The following SAMTOR variants were observed in gnomAD, a reference collection of about 807,000 sequenced individuals.
SAMTOR encodes S-adenosylmethionine sensor upstream of mTORC1.
chr7:112,885,297 C>T, the SAMTOR span, among the ~76,000 whole-genome samples: 1 of 152,224 alleles, frequency 6.6e-6, no homozygotes, highest in Non-Finnish European at 1.5e-5. Flanking sequence ...TGGTGATTCA[C>T]ATTTGGCTCC....
chr7:112,865,579 C>CG, the SAMTOR span, among the ~76,000 whole-genome samples: 2 of 147,796 alleles, frequency 1.4e-5, no homozygotes, highest in Non-Finnish European at 3.0e-5. Context: ...CCTGGTGTCC[C>CG]GTCTCATTCA....
chr7:112,925,034 TAC>T, the SAMTOR span, among the ~76,000 whole-genome samples: 6 of 152,320 alleles, frequency 3.9e-5, no homozygotes, highest in South Asian at 1.2e-3. Context: ...ATTTAAGACA[TAC>T]AGTTTGAGGG....
At chr7:112,900,506 T>C in the SAMTOR span, among the ~76,000 whole-genome samples, 3 of 152,190 alleles carry the variant, frequency 2.0e-5, no homozygotes, top group African/African-American at 4.8e-5. Flanking sequence ...AGAAATAATG[T>C]TCGGCCAAAT....
chr7:112,890,324 C>A, the SAMTOR span, among the ~76,000 whole-genome samples: 2 of 152,046 alleles, frequency 1.3e-5, no homozygotes, highest in Non-Finnish European at 2.9e-5. Flanking sequence ...TATGCAGATA[C>A]TGGTGCAACC....
chr7:112,926,378 C>G, the SAMTOR span, among the ~76,000 whole-genome samples: 1 of 152,136 alleles, frequency 6.6e-6, no homozygotes, highest in Non-Finnish European at 1.5e-5. Context: ...AAACCTACTA[C>G]CCTACAACTT....
chr7:112,870,903 C>T, the SAMTOR span, among the ~76,000 whole-genome samples: 7,868 of 151,786 alleles, frequency 0.052, 513 homozygotes, highest in African/African-American at 0.16. Flanking sequence ...AGATAAAACA[C>T]AATTTAAACC....
chr7:112,863,848 T>C, the SAMTOR span, among the ~76,000 whole-genome samples: 1 of 152,232 alleles, frequency 6.6e-6, no homozygotes, highest in Non-Finnish European at 1.5e-5. Context: ...TGGAAGACAG[T>C]GTGGTGATTC....
the SAMTOR span, among the ~76,000 whole-genome samples, chr7:112,924,590 A>G: frequency 3.3e-5 from 5 of 152,142 alleles, no homozygotes; most frequent in Admixed American, 1.3e-4. Context: ...TGAGGGGGCT[A>G]TGTACTCATA....
the SAMTOR span, among the ~76,000 whole-genome samples, chr7:112,834,790 C>T: frequency 3.3e-5 from 5 of 152,048 alleles, no homozygotes; most frequent in African/African-American, 4.8e-5. Context: ...AGTAGCCTAA[C>T]GCTAAGTCAC....
chr7:112,939,862 G>C, the SAMTOR span: 1 of 815,534 alleles, frequency 1.2e-6, no homozygotes, highest in East Asian at 2.7e-5. Flanking sequence ...AGGAGGCAGA[G>C]GAACCGGAGC....
the SAMTOR span, among the ~76,000 whole-genome samples, chr7:112,881,682 C>G: frequency 6.6e-6 from 1 of 152,214 alleles, no homozygotes; most frequent in East Asian, 1.9e-4. Flanking sequence ...TCTGGGTCTC[C>G]TCTCCGCTGA....
chr7:112,824,061 C>A, the SAMTOR span, among the ~76,000 whole-genome samples: 1 of 151,522 alleles, frequency 6.6e-6, no homozygotes, highest in African/African-American at 2.4e-5. Flanking sequence ...TTTGAGAGTT[C>A]TTTATTCTTG....
At chr7:112,923,168 A>G in the SAMTOR span, among the ~76,000 whole-genome samples, 4 of 152,206 alleles carry the variant, frequency 2.6e-5, no homozygotes, top group Non-Finnish European at 4.4e-5. Flanking sequence ...CTGTTGATCT[A>G]TGACCTTACC....
the SAMTOR span, among the ~76,000 whole-genome samples, chr7:112,924,045 G>C: frequency 6.6e-6 from 1 of 150,690 alleles, no homozygotes; most frequent in African/African-American, 2.5e-5. Flanking sequence ...GTCTGTTGTG[G>C]GGTGGCGGGA....
the SAMTOR span, among the ~76,000 whole-genome samples, chr7:112,828,017 G>A: frequency 0.035 from 5,271 of 152,130 alleles, 134 homozygotes; most frequent in Middle Eastern, 0.075. Flanking sequence ...ATGCCCTGCC[G>A]CAAATATTTT....
At chr7:112,918,129 C>A in the SAMTOR span, among the ~76,000 whole-genome samples, 1 of 152,092 alleles carries the variant, frequency 6.6e-6, no homozygotes, top group East Asian at 1.9e-4. Context: ...AAGAGCAACT[C>A]CAAGACACAT....
At chr7:112,879,879 C>G in the SAMTOR span, among the ~76,000 whole-genome samples, 2 of 152,118 alleles carry the variant, frequency 1.3e-5, no homozygotes, top group African/African-American at 4.8e-5. Context: ...AGACTCAATT[C>G]TCTAAATTAT....
At chr7:112,912,267 T>G in the SAMTOR span, among the ~76,000 whole-genome samples, 1 of 152,036 alleles carries the variant, frequency 6.6e-6, no homozygotes, top group Non-Finnish European at 1.5e-5. Flanking sequence ...GTGTTTATAG[T>G]ATATATTTCT....
chr7:112,917,878 C>T, the SAMTOR span, among the ~76,000 whole-genome samples: 18 of 151,824 alleles, frequency 1.2e-4, no homozygotes, highest in African/African-American at 3.1e-4. Flanking sequence ...TGAAATGAAG[C>T]GAGAAGGGAA....
Sources: allele counts gnomAD v4.1 joint callset (sites outside exome capture counted in the v4.1 genomes callset), GRCh38; gene constraint gnomAD v4.1.1; transcripts MANE v1.5; gene names NCBI Gene and HGNC (gene_info 2026-07-23, HGNC 2026-07-21).